The following NSG2 variants were observed in gnomAD, a reference collection of about 807,000 sequenced individuals.
The protein encoded by NSG2 is neuronal vesicle trafficking associated 2, also known as neuronal vesicle trafficking-associated protein 2.
Under a neutral mutation model 16.9 loss-of-function variants are expected in NSG2, and 4 were observed. The ratio of observed to expected loss-of-function variants is 0.24; its 90% CI spans 0.12 to 0.54. NSG2 has a LOEUF of 0.54. NSG2 is among the 20% of genes least tolerant of loss of function. The pLI is 0.95. For missense variants in NSG2, 179 were observed against 221.1 expected, an observed-to-expected ratio of 0.81 and a Z score of 1.21; for synonymous variants, 98 against 88.7, an observed-to-expected ratio of 1.11 and a Z score of -0.59.
intron 3 of NSG2, among the ~76,000 whole-genome samples, chr5:174,067,132 C>T (rs1760155551): frequency 1.3e-5 from 2 of 150,290 alleles, no homozygotes; most frequent in African/African-American, 4.9e-5. Flanking sequence ...TGAAAAATTA[C>T]AAATAAATGT....
At chr5:174,049,204 G>A (rs559978012) in intron 2 of NSG2, among the ~76,000 whole-genome samples, 4 of 152,296 alleles carry the variant, frequency 2.6e-5, no homozygotes, top group South Asian at 2.1e-4. Flanking sequence ...GCCGGGCGTG[G>A]TGGTGGGTGC....
At chr5:174,080,154 T>G (rs1348444478) in intron 3 of NSG2, among the ~76,000 whole-genome samples, 4 of 152,158 alleles carry the variant, frequency 2.6e-5, no homozygotes, top group African/African-American at 4.8e-5. Flanking sequence ...TCTATTGAAC[T>G]GACTGTTTTT....
chr5:174,100,622 C>T (rs1484066779), intron 3 of NSG2, among the ~76,000 whole-genome samples: 2 of 152,210 alleles, frequency 1.3e-5, no homozygotes, highest in African/African-American at 2.4e-5. Flanking sequence ...TCCCTCCCTC[C>T]CTTTTCTTTT....
chr5:174,066,704 CAG>C (rs1415116903), intron 3 of NSG2, among the ~76,000 whole-genome samples: 3 of 151,258 alleles, frequency 2.0e-5, no homozygotes, highest in East Asian at 3.9e-4. Flanking sequence ...TAAAAAAAAA[CAG>C]AGTGTTAGGC....
chr5:174,099,907 C>T (rs1760872376), intron 3 of NSG2, among the ~76,000 whole-genome samples: 1 of 152,168 alleles, frequency 6.6e-6, no homozygotes, highest in African/African-American at 2.4e-5. Flanking sequence ...AGTGTCTACA[C>T]CCATCAGTCC....
At chr5:174,104,174 G>T in intron 3 of NSG2, 54 bp from the exon 4 acceptor site, 1 of 1,280,656 alleles carries the variant, frequency 7.8e-7, no homozygotes, top group Non-Finnish European at 1.1e-6. Context: ...GCTGCATACG[G>T]GGACTGAAGG....
At chr5:174,079,259 C>T (rs1426676701) in intron 3 of NSG2, among the ~76,000 whole-genome samples, 1 of 149,614 alleles carries the variant, frequency 6.7e-6, no homozygotes, top group African/African-American at 2.5e-5. Context: ...CTCTCTCTCT[C>T]TCTCTTTTTT....
intron 2 of NSG2, among the ~76,000 whole-genome samples, chr5:174,061,614 T>C (rs1008214044): frequency 6.6e-6 from 1 of 152,196 alleles, no homozygotes; most frequent in Non-Finnish European, 1.5e-5. Context: ...CTCTTTTTTT[T>C]CTTTTTTTGA....
At chr5:174,057,986 A>C (rs1325665821) in intron 2 of NSG2, among the ~76,000 whole-genome samples, 1 of 152,124 alleles carries the variant, frequency 6.6e-6, no homozygotes, top group Non-Finnish European at 1.5e-5. Flanking sequence ...GGGTTGATTT[A>C]AGGGAAATTT....
chr5:174,104,657 G>A (rs4388227), intron 4 of NSG2, among the ~76,000 whole-genome samples: 30,810 of 152,052 alleles, frequency 0.2, 4,806 homozygotes, highest in African/African-American at 0.43. Context: ...GGCTTGGTGC[G>A]GGTCTTCCTG....
chr5:174,048,494 G>A (rs1370307946), intron 2 of NSG2, among the ~76,000 whole-genome samples: 2 of 152,232 alleles, frequency 1.3e-5, no homozygotes, highest in Non-Finnish European at 2.9e-5. Context: ...GGAGTAAGTA[G>A]AAATGTTGGA....
chr5:174,061,761 G>A (rs1760055872), intron 2 of NSG2, among the ~76,000 whole-genome samples: 1 of 151,926 alleles, frequency 6.6e-6, no homozygotes, highest in African/African-American at 2.4e-5. Context: ...GCGCCACCAT[G>A]CCCAGCTAAT....
At chr5:174,091,138 C>T (rs531309193) in intron 3 of NSG2, 1 of 149,722 alleles carries the variant, frequency 6.7e-6, no homozygotes, top group Non-Finnish European at 1.5e-5. Flanking sequence ...CTGCCGGGCT[C>T]ATGTCTCCAT....
chr5:174,058,360 G>T (rs1759997076), intron 2 of NSG2, among the ~76,000 whole-genome samples: 1 of 152,164 alleles, frequency 6.6e-6, no homozygotes, highest in Non-Finnish European at 1.5e-5. Flanking sequence ...GAACCCAAAA[G>T]GTAGAGGTTG....
chr5:174,076,770 G>T (rs1760350161), intron 3 of NSG2, among the ~76,000 whole-genome samples: 1 of 152,164 alleles, frequency 6.6e-6, no homozygotes, highest in Admixed American at 6.5e-5. Context: ...TGTCACAGCT[G>T]GGGGTAGGGA....
At chr5:174,077,424 G>A (rs1760364411) in intron 3 of NSG2, among the ~76,000 whole-genome samples, 1 of 151,948 alleles carries the variant, frequency 6.6e-6, no homozygotes, top group South Asian at 2.1e-4. Context: ...TATATACTTG[G>A]TCTCTCGAGC....
intron 3 of NSG2, among the ~76,000 whole-genome samples, chr5:174,083,839 A>C (rs1440601187): frequency 6.6e-6 from 1 of 152,226 alleles, no homozygotes; most frequent in African/African-American, 2.4e-5. Context: ...CTTGACCTGC[A>C]TAAGTGCCCT....
intron 3 of NSG2, among the ~76,000 whole-genome samples, chr5:174,098,307 A>C (rs1023685245): frequency 3.3e-5 from 5 of 152,112 alleles, no homozygotes; most frequent in Admixed American, 6.5e-5. Context: ...GGCTGAGCAA[A>C]GATGTTACCC....
At chr5:174,095,128 G>C (rs1215923346) in intron 3 of NSG2, among the ~76,000 whole-genome samples, 1 of 152,210 alleles carries the variant, frequency 6.6e-6, no homozygotes, top group Admixed American at 6.5e-5. Context: ...TGCAAGAGCA[G>C]TTCATACGGC....
Sources: gnomAD v4.1 joint callset for allele counts (sites outside exome capture counted in the v4.1 genomes callset) on GRCh38, gnomAD v4.1.1 for gene constraint, MANE v1.5 for transcripts, NCBI Gene and HGNC (gene_info 2026-07-23, HGNC 2026-07-21) for gene names.